FBXL15: variants seen among roughly 807,000 people sequenced by gnomAD.
The protein encoded by FBXL15 is F-box/LRR-repeat protein 15.
A neutral mutation model predicts 23.6 loss-of-function variants in FBXL15; 19 were observed. That is an observed-to-expected ratio of 0.81 (90% confidence interval 0.56 to 1.18). The LOEUF (loss-of-function observed/expected upper bound fraction) is 1.18. Ranked by LOEUF, FBXL15 falls within the 50% of genes most tolerant of loss-of-function variation. The pLI is 0.00. For synonymous variants in FBXL15, 224 were observed against 207.7 expected (o/e 1.08, Z -0.67); for missense variants, 385 against 425.4 (o/e 0.91, Z 0.83).
chr10:102,421,596 C>T (rs2061564824), intron 2 of FBXL15, 89 bp downstream of exon 2: 4 of 1,430,580 alleles, frequency 2.8e-6, no homozygotes, highest in South Asian at 2.9e-5. Context: ...CTTCTGGACC[C>T]CCTTGGGCCG....
Position 102,422,921 on chromosome 10 carries a change from G to A in FBXL15, c.831G>A (p.Pro277=). The A allele has an allele frequency of 6.2e-7, 1 of 1,608,088 alleles. No homozygotes were observed. The highest frequency in any genetic ancestry group is 1.1e-5 in the South Asian group (1 of 90,252). The change falls in exon 4 of 4, where the codon CCG becomes CCA. Residue 277 remains proline (P), a synonymous_variant. Coordinates refer to ENST00000369956, the MANE Select transcript of FBXL15 (RefSeq NM_024326.4). ...RKRGVDIDVE[P]PLHQALVLLQ... is the part of the protein sequence containing the mutation. ...GCGGCGTGGACATCGACGTGGAGCC[G>A]CCGCTGCACCAGGCCCTGGTGCTGC...
rs1052862027 is a variant in FBXL15 at position 102,421,501 on chromosome 10, C to G, written c.201C>G (p.Ala67=). 6.8e-7 allele frequency: 1 copy of G among 1,469,176 alleles called. No homozygotes were observed. The highest frequency in any genetic ancestry group is 9.0e-7 in the Non-Finnish European group (1 of 1,111,832). The allele number at this position is 1,469,176 out of a possible 1,614,324, so 91.0% of individuals were successfully genotyped here. A position where few individuals can be genotyped will look rare whatever the true frequency, so the allele number is the denominator to read the frequency against. Residue 67 remains alanine, a synonymous_variant, in exon 2 of 4, where the codon GCC becomes GCG. Transcript: ENST00000369956. ...TGGCCGGGCTGCGTCGCTTCGATGC[C>G]GCGCAGGTGAGCCGGGGGCTGAAGC... ...LHLAGLRRFD[A]AQVGPQIPRA...
chr10:102,421,812 C>T lies in FBXL15; in HGVS notation c.233C>T (p.Ala78Val). ...AQVGPQIPRA[A>V]LARLLRDAEG... Reference sequence around the variant, plus strand: ...GTGGGTCCGCAGATCCCGCGGGCCGCATTGGCCCGGCTGCTGCGGGATGCC... The same window carrying T: ...GTGGGTCCGCAGATCCCGCGGGCCGTATTGGCCCGGCTGCTGCGGGATGCC... Residue 78 changes from alanine (A) to valine (V), a missense_variant, in exon 3 of 4, where the codon GCA becomes GTA. Ala to Val is a moderately conservative substitution (Grantham distance 64). This residue lies in a region of FBXL15 where 255 missense variants were observed against 330.2 expected (regional missense o/e 0.77). Transcript: ENST00000369956. The T allele has an allele frequency of 1.3e-6, 2 of 1,566,780 alleles. No homozygotes were observed. Among genetic ancestry groups the T allele is most frequent in the Non-Finnish European group, 8.6e-7 (1 of 1,162,490 alleles).
chr10:102,420,945 T>C lies in FBXL15; in HGVS notation c.-185T>C. On this transcript the variant is annotated 5_prime_UTR_variant, in exon 1 of 4. It removes an upstream start codon present in the reference 5' UTR. Coordinates refer to ENST00000369956, the MANE Select transcript of FBXL15 (RefSeq NM_024326.4). ...CTGTAGCCGAGAAGGCGAGGCCTAA[T>C]GTTACACCACCGGTCTGTTCCGCCT... is the stretch of plus-strand genomic sequence containing the variant. 3 of 1,475,860 alleles carry C rather than the reference T, an allele frequency of 2.0e-6. No homozygotes were observed. The highest frequency in any genetic ancestry group is 2.7e-6 in the Non-Finnish European group (3 of 1,110,878). The allele number at this position is 1,475,860 out of a possible 1,614,324, so 91.4% of individuals were successfully genotyped here.
chr10:102,421,479 C>A lies in FBXL15; in HGVS notation c.179C>A (p.Ala60Asp). ...AFRSLVQLHLAGLRRFDAAQV... is the reference protein window; with the variant it reads ...AFRSLVQLHLDGLRRFDAAQV... Reference sequence around the variant, plus strand: ...CGGTCGCTGGTGCAGCTTCACCTGGCCGGGCTGCGTCGCTTCGATGCCGCG... The same window carrying A: ...CGGTCGCTGGTGCAGCTTCACCTGGACGGGCTGCGTCGCTTCGATGCCGCG... The change falls in exon 2 of 4, where the codon GCC becomes GAC. Residue 60 changes from alanine (A) to aspartate (D), a missense_variant. Physicochemically the swap from Ala to Asp is moderately radical, Grantham distance 126 (BLOSUM62 -2). Around this residue, in one of 2 missense-constraint regions of FBXL15, gnomAD observed 130 missense variants for 95.1 expected, o/e 1.37. Transcript: ENST00000369956. The A allele has an allele frequency of 6.7e-7, 1 of 1,499,534 alleles. No homozygotes were observed. Among genetic ancestry groups the A allele is most frequent in the Non-Finnish European group, 8.9e-7 (1 of 1,127,734 alleles). 92.9% of individuals were successfully genotyped at this position (1,499,534 alleles called of 1,614,324 possible).
chr10:102,422,259 C>T lies in FBXL15; in HGVS notation c.680C>T (p.Thr227Ile). 1 of 1,494,094 alleles carries T rather than the reference C, an allele frequency of 6.7e-7. No homozygotes were observed. Among genetic ancestry groups the T allele is most frequent in the Non-Finnish European group, 8.9e-7 (1 of 1,122,528 alleles). 92.6% of individuals were successfully genotyped at this position (1,494,094 alleles called of 1,614,324 possible). Residue 227 changes from threonine (T) to isoleucine (I), a missense_variant, in exon 3 of 4, where the codon ACC becomes ATC. Thr to Ile is a moderately conservative substitution (Grantham distance 89). This residue lies in a region of FBXL15 where 255 missense variants were observed against 330.2 expected (regional missense o/e 0.77). Transcript: ENST00000369956. ...NCPELHHLDL[T>I]GCLRVGSDGV... Reference sequence around the variant, plus strand: ...CCAGAACTCCACCACCTTGACCTCACCGGCTGCCTCCGCGTCGGAAGCGAC... The same window carrying T: ...CCAGAACTCCACCACCTTGACCTCATCGGCTGCCTCCGCGTCGGAAGCGAC...
Position 102,421,456 on chromosome 10 carries a change from G to A in FBXL15, c.156G>A (p.Arg52=), listed in dbSNP as rs751959928. The A allele has an allele frequency of 5.2e-6, 8 of 1,531,782 alleles. No individual in the cohort carries two copies. Among genetic ancestry groups the A allele is most frequent in the Admixed American group, 2.0e-5 (1 of 50,242 alleles). 94.9% of individuals were successfully genotyped at this position (1,531,782 alleles called of 1,614,324 possible). A position where few individuals can be genotyped will look rare whatever the true frequency, so the allele number is the denominator to read the frequency against. Residue 52 remains arginine (R), a synonymous_variant, in exon 2 of 4, where the codon CGG becomes CGA. Coordinates refer to ENST00000369956, the MANE Select transcript of FBXL15 (RefSeq NM_024326.4). ...LRLQRVSRAF[R]SLVQLHLAGL... is the part of the protein sequence containing the mutation. ...TGCAGCGCGTTAGCCGGGCCTTCCG[G>A]TCGCTGGTGCAGCTTCACCTGGCCG...
rs1467182494 is a variant in FBXL15, at chr10:102,421,506, A to C, written c.206A>C (p.Gln69Pro). Residue 69 changes from glutamine to proline, a missense_variant and splice_region_variant, in exon 2 of 4, where the codon CAG becomes CCG. By Grantham distance (76) the Gln-to-Pro change is moderately conservative. This residue lies in a region of FBXL15 where 130 missense variants were observed against 95.1 expected (regional missense o/e 1.37). Coordinates refer to ENST00000369956, the MANE Select transcript of FBXL15 (RefSeq NM_024326.4). Reference sequence around the variant, plus strand: ...GGGCTGCGTCGCTTCGATGCCGCGCAGGTGAGCCGGGGGCTGAAGCCCCGC... The same window carrying C: ...GGGCTGCGTCGCTTCGATGCCGCGCCGGTGAGCCGGGGGCTGAAGCCCCGC... ...LAGLRRFDAAQVGPQIPRAAL... is the reference protein window; with the variant it reads ...LAGLRRFDAAPVGPQIPRAAL... 4.8e-6 allele frequency: 7 copies of C among 1,465,184 alleles called. No individual in the cohort carries two copies. The highest frequency in any genetic ancestry group is 4.5e-6 in the Non-Finnish European group (5 of 1,110,570). 90.8% of individuals were successfully genotyped at this position (1,465,184 alleles called of 1,614,324 possible). A position where few individuals can be genotyped will look rare whatever the true frequency, so the allele number is the denominator to read the frequency against.
Position 102,423,134 on chromosome 10 carries a change from C to G in FBXL15, c.*141C>G, listed in dbSNP as rs1411237961. On this transcript the variant is annotated 3_prime_UTR_variant, in exon 4 of 4. Coordinates refer to ENST00000369956, the MANE Select transcript of FBXL15 (RefSeq NM_024326.4). The surrounding 1 kb of genome is among the most constrained non-coding windows in gnomAD (Gnocchi z 5.6). ...AGCTTCAAATAAAGAGCTTTTTACC[C>G]CCTCTTGCCTGGTGCTGCCCTGTTG... 2.1e-6 allele frequency: 2 copies of G among 952,706 alleles called. No homozygotes were observed. Among genetic ancestry groups the G allele is most frequent in the Non-Finnish European group, 1.5e-6 (1 of 647,742 alleles). The allele number at this position is 952,706 out of a possible 1,614,324, so 59.0% of individuals were successfully genotyped here.
In FBXL15 at chr10:102,421,424, C is replaced by A; in HGVS notation, c.124C>A (p.Leu42Ile). ...VLNRVPLRQL[L>I]RLQRVSRAFR... is the part of the protein sequence containing the mutation. ...GAACCGGGTCCCGCTGCGCCAGCTG[C>A]TCCGGCTGCAGCGCGTTAGCCGGGC... Residue 42 changes from leucine to isoleucine, a missense_variant, in exon 2 of 4, where the codon CTC (leucine) becomes ATC (isoleucine). This residue lies in a region of FBXL15 where 130 missense variants were observed against 95.1 expected (regional missense o/e 1.37). Transcript: ENST00000369956. 1 of 1,561,820 alleles carries A rather than the reference C, an allele frequency of 6.4e-7. No homozygotes were observed. Among genetic ancestry groups the A allele is most frequent in the Non-Finnish European group, 8.7e-7 (1 of 1,155,770 alleles).
chr10:102,422,861 T>C lies in FBXL15; in HGVS notation c.771T>C (p.His257=), dbSNP rs766107119. 8.1e-6 allele frequency: 13 copies of C among 1,610,978 alleles called. No homozygotes were observed. The South Asian group carries it at 1.3e-4, about 16-fold the overall frequency. Residue 257 remains histidine, a synonymous_variant, in exon 4 of 4, where the codon CAT becomes CAC. Coordinates refer to ENST00000369956, the MANE Select transcript of FBXL15 (RefSeq NM_024326.4). ...LRSLRVRHCH[H]VAESSLSRLR... is the part of the protein sequence containing the mutation. ...CGCTGCGGGTGCGGCACTGCCACCATGTGGCGGAGTCCAGCCTGAGCCGCT... is the reference window on the plus strand; with the variant it reads ...CGCTGCGGGTGCGGCACTGCCACCACGTGGCGGAGTCCAGCCTGAGCCGCT...
chr10:102,422,921 G>C lies in FBXL15; in HGVS notation c.831G>C (p.Pro277=), dbSNP rs756228671. ...GCGGCGTGGACATCGACGTGGAGCC[G>C]CCGCTGCACCAGGCCCTGGTGCTGC... ...RKRGVDIDVE[P]PLHQALVLLQ... The change falls in exon 4 of 4, where the codon CCG becomes CCC. Residue 277 remains proline (P), a synonymous_variant. Transcript: ENST00000369956. 1 of 1,608,088 alleles carries C rather than the reference G, an allele frequency of 6.2e-7. No homozygotes were observed. Among genetic ancestry groups the C allele is most frequent in the Admixed American group, 1.7e-5 (1 of 59,306 alleles).
chr10:102,420,966 C>T lies in FBXL15; in HGVS notation c.-164C>T. On this transcript the variant is annotated 5_prime_UTR_variant, in exon 1 of 4. Transcript: ENST00000369956. ...CTAATGTTACACCACCGGTCTGTTC[C>T]GCCTCCGTTTCGGGGTCCACCCGAA... 2.0e-6 allele frequency: 3 copies of T among 1,513,184 alleles called. No individual in the cohort carries two copies. Among genetic ancestry groups the T allele is most frequent in the Non-Finnish European group, 8.9e-7 (1 of 1,127,774 alleles). 93.7% of individuals were successfully genotyped at this position (1,513,184 alleles called of 1,614,324 possible).
At position 102,420,837 on chromosome 10, in the gene FBXL15, C is replaced by T. The variant is rs2061549572; in HGVS notation, c.-293C>T. On this transcript the variant is annotated 5_prime_UTR_variant, in exon 1 of 4. Transcript: ENST00000369956. Reference sequence around the variant, plus strand: ...GCCTGCTCCTCCCACCACCACTTCGCTCAGAGGCGGCTACTGGCTCAAGAG... The same window carrying T: ...GCCTGCTCCTCCCACCACCACTTCGTTCAGAGGCGGCTACTGGCTCAAGAG... 1 of 1,306,034 alleles carries T rather than the reference C, an allele frequency of 7.7e-7. No individual in the cohort carries two copies. Among genetic ancestry groups the T allele is most frequent in the Admixed American group, 3.6e-5 (1 of 28,038 alleles). 80.9% of individuals were successfully genotyped at this position (1,306,034 alleles called of 1,614,324 possible).
chr10:102,421,373 G>A lies in FBXL15; in HGVS notation c.73G>A (p.Glu25Lys). The change falls in exon 2 of 4, where the codon GAA becomes AAA. Residue 25 changes from glutamate to lysine, a missense_variant. Glu to Lys is a moderately conservative substitution (Grantham distance 56, BLOSUM62 1). This residue lies in a region of FBXL15 where 130 missense variants were observed against 95.1 expected (regional missense o/e 1.37). Transcript: ENST00000369956. Reference sequence around the variant, plus strand: ...TCGCAGGTTCCTGGACCTGCCCTGGGAAGACGTGCTGCTCCCACACGTCCT... The same window carrying A: ...TCGCAGGTTCCTGGACCTGCCCTGGAAAGACGTGCTGCTCCCACACGTCCT... ...GAVRFLDLPW[E>K]DVLLPHVLNR... 6.4e-7 allele frequency: 1 copy of A among 1,563,244 alleles called. No homozygotes were observed. The highest frequency in any genetic ancestry group is 8.7e-7 in the Non-Finnish European group (1 of 1,154,260).
chr10:102,422,370 G>C (rs2061574818), intron 3 of FBXL15, 78 bp downstream of exon 3: 2 of 1,404,324 alleles, frequency 1.4e-6, no homozygotes, highest in Admixed American at 6.2e-5. Context: ...GTTGTTAAAA[G>C]GCCGGACTGA....
At position 102,422,171 on chromosome 10, in the gene FBXL15, C is replaced by T; in HGVS notation, c.592C>T (p.Leu198Phe). Residue 198 changes from leucine to phenylalanine, a missense_variant, in exon 3 of 4, where the codon CTC (leucine) becomes TTC (phenylalanine). Coordinates refer to ENST00000369956, the MANE Select transcript of FBXL15 (RefSeq NM_024326.4). ...GAGGCGCGGCGCTGGTCTCCGCAGC[C>T]TCTCTCTGGCCGTCAACGCCAACGT... ...AQRRGAGLRS[L>F]SLAVNANVGD... 1 of 1,544,980 alleles carries T rather than the reference C, an allele frequency of 6.5e-7. No homozygotes were observed. The highest frequency in any genetic ancestry group is 8.7e-7 in the Non-Finnish European group (1 of 1,144,666).
chr10:102,421,793 C>T lies in FBXL15; in HGVS notation c.214C>T (p.Pro72Ser), dbSNP rs1166394461. The part of the protein sequence containing the change: ...LRRFDAAQVG[P>S]QIPRAALARL... ...GGTGCCTCCCCGCCCGCAGGTGGGT[C>T]CGCAGATCCCGCGGGCCGCATTGGC... The change falls in exon 3 of 4, where the codon CCG becomes TCG. Residue 72 changes from proline to serine, a missense_variant. Transcript: ENST00000369956. 1 of 1,551,382 alleles carries T rather than the reference C, an allele frequency of 6.4e-7. No homozygotes were observed. Among genetic ancestry groups the T allele is most frequent in the Non-Finnish European group, 8.7e-7 (1 of 1,154,440 alleles).
chr10:102,421,421 C>T lies in FBXL15; in HGVS notation c.121C>T (p.Leu41=), dbSNP rs1215785054. 1 of 1,561,288 alleles carries T rather than the reference C, an allele frequency of 6.4e-7. No homozygotes were observed. The highest frequency in any genetic ancestry group is 8.7e-7 in the Non-Finnish European group (1 of 1,155,396). Residue 41 remains leucine, a synonymous_variant, in exon 2 of 4, where the codon CTG becomes TTG. Transcript: ENST00000369956. ...CCTGAACCGGGTCCCGCTGCGCCAGCTGCTCCGGCTGCAGCGCGTTAGCCG... is the reference window on the plus strand; with the variant it reads ...CCTGAACCGGGTCCCGCTGCGCCAGTTGCTCCGGCTGCAGCGCGTTAGCCG... The part of the protein sequence containing the change: ...HVLNRVPLRQ[L]LRLQRVSRAF...
Sources: allele counts gnomAD v4.1 joint callset, GRCh38; gene constraint gnomAD v4.1.1; regional missense constraint gnomAD v4.1.1; non-coding constraint Gnocchi (gnomAD v3.1); transcripts MANE v1.5; gene names NCBI Gene and HGNC (gene_info 2026-07-23, HGNC 2026-07-21).